Variants in PHYHIPL observed in about 807,000 individuals in gnomAD.
PHYHIPL encodes phytanoyl-CoA hydroxylase-interacting protein-like.
Under a neutral mutation model 33.4 loss-of-function variants are expected in PHYHIPL, and 9 were observed. The ratio of observed to expected loss-of-function variants is 0.27; its 90% CI spans 0.16 to 0.47. The LOEUF is 0.47. Among genes scored for constraint, PHYHIPL ranks in the 20% least tolerant of loss-of-function variants. The pLI, the probability that PHYHIPL is intolerant of heterozygous loss-of-function variation, is 0.99. For missense variants in PHYHIPL, 365 were observed against 460.7 expected, an observed-to-expected ratio of 0.79 and a Z score of 1.90; for synonymous variants, 153 against 154.1, an observed-to-expected ratio of 0.99 and a Z score of 0.05.
At chr10:59,222,719 G>C (rs539994473) in intron 1 of PHYHIPL, among the ~76,000 whole-genome samples, 2 of 27,510 alleles carry the variant, frequency 7.3e-5, no homozygotes, top group East Asian at 2.1e-3. Context: ...AGAAAAGTGG[G>C]GGGGGTTTCA....
chr10:59,206,281 C>A (rs905299198), intron 1 of PHYHIPL, among the ~76,000 whole-genome samples: 1 of 152,182 alleles, frequency 6.6e-6, no homozygotes, highest in African/African-American at 2.4e-5. Context: ...TGATCTCCTT[C>A]CCATTGCCTT....
intron 1 of PHYHIPL, among the ~76,000 whole-genome samples, chr10:59,226,989 A>ATTTG (rs1191034160): frequency 6.6e-6 from 1 of 152,226 alleles, no homozygotes; most frequent in Non-Finnish European, 1.5e-5. Flanking sequence ...GCCAATATAA[A>ATTTG]AGATGCACCT....
intron 1 of PHYHIPL, among the ~76,000 whole-genome samples, chr10:59,214,627 G>A (rs1839558696): frequency 6.6e-6 from 1 of 152,006 alleles, no homozygotes; most frequent in Non-Finnish European, 1.5e-5. Flanking sequence ...CCAGTCATGG[G>A]AGAAAGGAAA....
chr10:59,216,464 T>A (rs550226764), intron 1 of PHYHIPL, among the ~76,000 whole-genome samples: 1 of 152,212 alleles, frequency 6.6e-6, no homozygotes, highest in East Asian at 1.9e-4. Flanking sequence ...TCTTATGACC[T>A]ACTTCAGAGG....
At position 59,224,310 on chromosome 10, in the gene PHYHIPL, A is replaced by T. The variant is rs556055904; in HGVS notation, c.107-9994A>T. On this transcript the variant is annotated intron_variant, in intron 1 of 4. Transcript: ENST00000373880. ...TGTATGTTAACCTACACCTTTGCTG[A>T]TTTTGATGCCCATGGAGAAGAGTCT... is the stretch of plus-strand genomic sequence containing the variant. Among the ~76,000 whole-genome samples, 10 of 152,144 alleles carry T rather than the reference A, an allele frequency of 6.6e-5. No homozygotes were observed. The South Asian group carries it at 2.1e-3, about 32-fold the overall frequency.
intron 1 of PHYHIPL, among the ~76,000 whole-genome samples, chr10:59,215,608 A>G (rs562545569): frequency 5.5e-4 from 83 of 152,158 alleles, no homozygotes; most frequent in African/African-American, 1.9e-3. Context: ...AGATAACGAT[A>G]TAAATAAATA....
intron 1 of PHYHIPL, among the ~76,000 whole-genome samples, chr10:59,229,334 T>C (rs1415102362): frequency 6.6e-6 from 1 of 152,208 alleles, no homozygotes; most frequent in Non-Finnish European, 1.5e-5. Flanking sequence ...AATACACATG[T>C]ATACATCTAT....
At chr10:59,240,778 G>A (rs1199526560) in intron 4 of PHYHIPL, among the ~76,000 whole-genome samples, 4 of 152,036 alleles carry the variant, frequency 2.6e-5, no homozygotes, top group African/African-American at 4.8e-5. Context: ...GGTGGCCACT[G>A]GAGGGCAGTA....
chr10:59,176,647 C>T lies in PHYHIPL; in HGVS notation c.-207C>T, dbSNP rs74912539. The T allele has an allele frequency of 6.5e-4, 346 of 532,634 alleles. 2 individuals are homozygous for T. Among genetic ancestry groups the T allele is most frequent in the African/African-American group, 6.3e-3 (317 of 50,004 alleles). The allele number at this position is 532,634 out of a possible 1,614,324, so 33.0% of individuals were successfully genotyped here. Reference sequence around the variant, plus strand: ...CCGGGTCCTGCTCGGTCTCTCAGAGCCGCACACTCCGCGGAGCTCCTGCCA... The same window carrying T: ...CCGGGTCCTGCTCGGTCTCTCAGAGTCGCACACTCCGCGGAGCTCCTGCCA... On this transcript the variant is annotated 5_prime_UTR_variant, in exon 1 of 5. Transcript: ENST00000373880.
Position 59,245,772 on chromosome 10 carries a change from A to C in PHYHIPL, c.*181A>C. 3.4e-6 allele frequency: 2 copies of C among 585,992 alleles called. No homozygotes were observed. Among genetic ancestry groups the C allele is most frequent in the Non-Finnish European group, 2.9e-6 (1 of 349,368 alleles). 36.3% of individuals were successfully genotyped at this position (585,992 alleles called of 1,614,324 possible). A position where few individuals can be genotyped will look rare whatever the true frequency, so the allele number is the denominator to read the frequency against. ...CCATTTTAGTGTTTTCCTATTCCCT[A>C]CCCCTCCCACTACTTTCAATGATGA... On this transcript the variant is annotated 3_prime_UTR_variant, in exon 5 of 5. Transcript: ENST00000373880.
intron 1 of PHYHIPL, among the ~76,000 whole-genome samples, chr10:59,193,645 A>T (rs999657326): frequency 6.6e-6 from 1 of 151,750 alleles, no homozygotes; most frequent in Non-Finnish European, 1.5e-5. Flanking sequence ...TTTCTTGCAG[A>T]CTCTTTTTGT....
chr10:59,219,834 T>C (rs1400514177), intron 1 of PHYHIPL, among the ~76,000 whole-genome samples: 1 of 152,140 alleles, frequency 6.6e-6, no homozygotes, highest in Non-Finnish European at 1.5e-5. Flanking sequence ...ACTTCAAATG[T>C]ATAGTTTCCT....
intron 1 of PHYHIPL, among the ~76,000 whole-genome samples, chr10:59,220,920 G>A (rs1284709666): frequency 7.9e-5 from 12 of 152,088 alleles, no homozygotes; most frequent in Middle Eastern, 3.4e-3. Flanking sequence ...AAAAATTATT[G>A]TAAAACACTC....
intron 1 of PHYHIPL, among the ~76,000 whole-genome samples, chr10:59,179,340 A>G (rs140929608): frequency 4.6e-5 from 7 of 152,318 alleles, no homozygotes; most frequent in African/African-American, 1.4e-4. Context: ...ACTATGTAAC[A>G]TAGAAAAGGA....
At chr10:59,244,586 A>AAAAAAAAAAACAAAAAAAAAAAAAAAT (rs1554801182) in intron 4 of PHYHIPL, among the ~76,000 whole-genome samples, 1 of 136,584 alleles carries the variant, frequency 7.3e-6, no homozygotes, top group Non-Finnish European at 1.6e-5. Flanking sequence ...AAAAAAAAAA[A>AAAAAAAAAAACAAAAAAAAAAAAAAAT]GCCAAAACAA....
chr10:59,198,313 T>C (rs1208076257), intron 1 of PHYHIPL, among the ~76,000 whole-genome samples: 4 of 152,246 alleles, frequency 2.6e-5, no homozygotes, highest in Middle Eastern at 3.4e-3. Flanking sequence ...TTTGGTTTTT[T>C]TGTCCTTGCG....
chr10:59,229,774 A>G (rs1212211584), intron 1 of PHYHIPL, among the ~76,000 whole-genome samples: 1 of 152,198 alleles, frequency 6.6e-6, no homozygotes, highest in Non-Finnish European at 1.5e-5. Flanking sequence ...TTACTTGAAC[A>G]GTTTGAACAC....
Position 59,221,441 on chromosome 10 carries a change from A to G in PHYHIPL, c.107-12863A>G, listed in dbSNP as rs182823071. Among the ~76,000 whole-genome samples the G allele has an allele frequency of 4.6e-5, 7 of 152,212 alleles. No individual in the cohort carries two copies. The East Asian group carries it at 1.2e-3, about 25-fold the overall frequency. On this transcript the variant is annotated intron_variant, in intron 1 of 4. Coordinates refer to ENST00000373880, the MANE Select transcript of PHYHIPL (RefSeq NM_032439.4). ...ATTTTGAATGATTTAACTGCATAAT[A>G]GGTACTCAGTGAGTTTCACTTTTTC...
At chr10:59,195,859 C>G (rs1838898292) in intron 1 of PHYHIPL, among the ~76,000 whole-genome samples, 1 of 151,824 alleles carries the variant, frequency 6.6e-6, no homozygotes, top group African/African-American at 2.4e-5. Flanking sequence ...TTTATGAACT[C>G]CAGAAGGCAT....
Sources: allele counts gnomAD v4.1 joint callset (sites outside exome capture counted in the v4.1 genomes callset), GRCh38; gene constraint gnomAD v4.1.1; transcripts MANE v1.5; gene names NCBI Gene and HGNC (gene_info 2026-07-23, HGNC 2026-07-21).